Variants in UBTD1 observed in about 807,000 individuals in gnomAD.
UBTD1 encodes the protein ubiquitin domain containing 1.
A neutral mutation model predicts 21.7 loss-of-function variants in UBTD1; 19 were observed. The ratio of observed to expected loss-of-function variants is 0.87; its 90% CI spans 0.61 to 1.28. The LOEUF (loss-of-function observed/expected upper bound fraction) is 1.28, where lower values mean the gene tolerates loss of function less well. Ranked by LOEUF, UBTD1 falls within the 50% of genes most tolerant of loss-of-function variation. The probability of loss-of-function intolerance (pLI) is 0.00; values close to 1 mark genes in which losing one functional copy is unlikely to be tolerated. For missense variants in UBTD1, 282 were observed against 315.1 expected (o/e 0.89, Z 0.80); for synonymous variants, 116 against 135.1 (o/e 0.86, Z 0.98).
intron 1 of UBTD1, among the ~76,000 whole-genome samples, chr10:97,502,887 G>A (rs1056756978): frequency 1.4e-5 from 2 of 144,270 alleles, no homozygotes; most frequent in African/African-American, 5.2e-5. Context: ...ATATATATAC[G>A]TATATATATG....
intron 1 of UBTD1, among the ~76,000 whole-genome samples, chr10:97,519,136 A>G (rs985021669): frequency 3.1e-4 from 47 of 152,338 alleles, no homozygotes; most frequent in African/African-American, 1.1e-3. Context: ...CGTTTTCTCT[A>G]GTTGCCTGTT....
intron 1 of UBTD1, among the ~76,000 whole-genome samples, chr10:97,543,862 T>C (rs1406012321): frequency 6.6e-6 from 1 of 152,106 alleles, no homozygotes; most frequent in African/African-American, 2.4e-5. Flanking sequence ...TTTGCTGTGG[T>C]GTTTGCTGTG....
chr10:97,555,579 C>G (rs999312469), intron 1 of UBTD1, among the ~76,000 whole-genome samples: 14 of 152,190 alleles, frequency 9.2e-5, no homozygotes, highest in Non-Finnish European at 1.6e-4. Flanking sequence ...TCCCCAAATG[C>G]ACAATTTCTA....
chr10:97,549,924 C>A (rs535136943), intron 1 of UBTD1, among the ~76,000 whole-genome samples: 9 of 152,356 alleles, frequency 5.9e-5, no homozygotes, highest in South Asian at 2.1e-4. Context: ...CTGGCTCCCC[C>A]CTCCCCGCCT....
intron 1 of UBTD1, among the ~76,000 whole-genome samples, chr10:97,505,055 A>G (rs1452794620): frequency 6.6e-6 from 1 of 152,136 alleles, no homozygotes; most frequent in Non-Finnish European, 1.5e-5. Flanking sequence ...TCTTCCAGGC[A>G]CACGTGATGT....
At chr10:97,513,529 T>G (rs2040430954) in intron 1 of UBTD1, among the ~76,000 whole-genome samples, 1 of 152,182 alleles carries the variant, frequency 6.6e-6, no homozygotes, top group Non-Finnish European at 1.5e-5. Flanking sequence ...GGGCATAGTT[T>G]GTAGAAGGGT....
intron 1 of UBTD1, among the ~76,000 whole-genome samples, chr10:97,535,408 A>G (rs2040555253): frequency 6.6e-6 from 1 of 152,156 alleles, no homozygotes; most frequent in Admixed American, 6.6e-5. Flanking sequence ...GAGATCAGGA[A>G]ATTGAGACCA....
chr10:97,507,758 G>A (rs1321480373), intron 1 of UBTD1, among the ~76,000 whole-genome samples: 4 of 114,024 alleles, frequency 3.5e-5, no homozygotes, highest in African/African-American at 1.4e-4. Context: ...CCTAACGACA[G>A]AGCAAGACTC....
At chr10:97,565,594 G>T (rs560624629) in intron 1 of UBTD1, among the ~76,000 whole-genome samples, 1 of 152,146 alleles carries the variant, frequency 6.6e-6, no homozygotes, top group African/African-American at 2.4e-5. Flanking sequence ...TGAGGCTGCA[G>T]TGAGCTATGA....
At chr10:97,516,500 G>A (rs1193917909) in intron 1 of UBTD1, among the ~76,000 whole-genome samples, 1 of 152,222 alleles carries the variant, frequency 6.6e-6, no homozygotes, top group East Asian at 1.9e-4. Flanking sequence ...CCTCGGCCGG[G>A]CACGGTGGCT....
At chr10:97,520,919 A>G (rs1261701757) in intron 1 of UBTD1, among the ~76,000 whole-genome samples, 1 of 152,176 alleles carries the variant, frequency 6.6e-6, no homozygotes, top group Non-Finnish European at 1.5e-5. Context: ...TCTGGTTTTC[A>G]TGGGCTGCAG....
intron 1 of UBTD1, among the ~76,000 whole-genome samples, chr10:97,511,504 C>T (rs1431319720): frequency 2.0e-5 from 3 of 152,174 alleles, no homozygotes; most frequent in Non-Finnish European, 4.4e-5. Flanking sequence ...CTACTTCTGC[C>T]AATTCTTGCA....
Position 97,538,061 on chromosome 10 carries a change from A to G in UBTD1, c.71-29853A>G, listed in dbSNP as rs142890584. On this transcript the variant is annotated intron_variant, in intron 1 of 2. Transcript: ENST00000370664. The stretch of plus-strand genomic sequence containing the variant: ...GGCTGGTCTTGAACTCCTGGCCTCA[A>G]GTAATCCTCCTGCCTTGGCCTCCCA... 2.4e-3 allele frequency among the ~76,000 whole-genome samples: 361 copies of G among 152,124 alleles called. 2 individuals are homozygous for G. The highest frequency in any genetic ancestry group is 7.7e-3 in the African/African-American group (319 of 41,518).
intron 1 of UBTD1, among the ~76,000 whole-genome samples, chr10:97,515,872 G>A: frequency 6.6e-6 from 1 of 152,342 alleles, no homozygotes; most frequent in South Asian, 2.1e-4. Context: ...GGTCTGGCAG[G>A]AGCCACTCCT....
At chr10:97,499,476 G>A (rs2040316117) in intron 1 of UBTD1, among the ~76,000 whole-genome samples, 1 of 152,240 alleles carries the variant, frequency 6.6e-6, no homozygotes. Context: ...CACTGAGCCG[G>A]CTGCGCGACC....
chr10:97,534,562 A>AACAC (rs200467176), intron 1 of UBTD1, among the ~76,000 whole-genome samples: 3 of 127,902 alleles, frequency 2.3e-5, no homozygotes, highest in African/African-American at 8.6e-5. Flanking sequence ...GGCACTAAGG[A>AACAC]ACACACACGC....
chr10:97,569,115 G>T (rs760348239), intron 2 of UBTD1, among the ~76,000 whole-genome samples: 2 of 152,220 alleles, frequency 1.3e-5, no homozygotes, highest in East Asian at 1.9e-4. Context: ...GAGCCACTGC[G>T]CCTGGCCACA....
intron 1 of UBTD1, among the ~76,000 whole-genome samples, chr10:97,512,958 G>A (rs2040428759): frequency 6.6e-6 from 1 of 152,196 alleles, no homozygotes; most frequent in South Asian, 2.1e-4. Flanking sequence ...CTGCACCTGG[G>A]GCCTCAATTC....
chr10:97,503,417 C>T (rs2040385905), intron 1 of UBTD1, among the ~76,000 whole-genome samples: 1 of 152,208 alleles, frequency 6.6e-6, no homozygotes, highest in South Asian at 2.1e-4. Context: ...GCCTCTCCCC[C>T]AGCCACTCCA....
Sources: gnomAD v4.1 joint callset for allele counts (sites outside exome capture counted in the v4.1 genomes callset) on GRCh38, gnomAD v4.1.1 for gene constraint, MANE v1.5 for transcripts, NCBI Gene and HGNC (gene_info 2026-07-23, HGNC 2026-07-21) for gene names.